ARHGAP32: variants seen among roughly 807,000 people sequenced by gnomAD.
ARHGAP32 encodes rho GTPase-activating protein 32.
A neutral mutation model predicts 186.5 loss-of-function variants in ARHGAP32; 51 were observed. The ratio of observed to expected loss-of-function variants is 0.27; its 90% confidence interval spans 0.22 to 0.35. The LOEUF (loss-of-function observed/expected upper bound fraction) is 0.35, where lower values mean the gene tolerates loss of function less well. Ranked by LOEUF, ARHGAP32 falls within the 10% of genes least tolerant of loss-of-function variation. The pLI is 1.00. For missense variants in ARHGAP32, 2,186 were observed against 2,623.5 expected, an observed-to-expected ratio of 0.83 and a Z score of 3.64; for synonymous variants, 950 against 964.3, an observed-to-expected ratio of 0.99 and a Z score of 0.27.
At chr11:129,044,887 CAA>C (rs767398459) in intron 10 of ARHGAP32, among the ~76,000 whole-genome samples, 34 of 125,066 alleles carry the variant, frequency 2.7e-4, no homozygotes, top group South Asian at 5.2e-4. Context: ...TATCTTTTGG[CAA>C]AAAAAAAAAA....
intron 1 of ARHGAP32, among the ~76,000 whole-genome samples, chr11:129,168,242 T>C (rs190133500): frequency 1.4e-4 from 22 of 152,176 alleles, no homozygotes; most frequent in African/African-American, 5.3e-4. Context: ...AAGCAACTTG[T>C]CTCAAAATAA....
At chr11:129,240,243 C>G (rs1415384354) in intron 1 of ARHGAP32, among the ~76,000 whole-genome samples, 2 of 151,938 alleles carry the variant, frequency 1.3e-5, no homozygotes, top group Admixed American at 1.3e-4. Flanking sequence ...AGCAAGATAG[C>G]TATTACTGCA....
At chr11:128,982,934 A>G (rs1032705755) in intron 15 of ARHGAP32, among the ~76,000 whole-genome samples, 5 of 150,562 alleles carry the variant, frequency 3.3e-5, no homozygotes. Flanking sequence ...TGAATGGGAG[A>G]CAGAAATATA....
At chr11:129,229,512 GT>G (rs1047233339) in intron 1 of ARHGAP32, among the ~76,000 whole-genome samples, 6 of 151,976 alleles carry the variant, frequency 3.9e-5, no homozygotes, top group African/African-American at 1.5e-4. Context: ...AATTCATATC[GT>G]TTTTACACTA....
intron 2 of ARHGAP32, among the ~76,000 whole-genome samples, chr11:129,159,534 T>G (rs1423178777): frequency 6.6e-6 from 1 of 151,894 alleles, no homozygotes; most frequent in Non-Finnish European, 1.5e-5. Context: ...GTCGAATCCC[T>G]GAACAGACCA....
intron 1 of ARHGAP32, among the ~76,000 whole-genome samples, chr11:129,243,594 T>C (rs932686076): frequency 2.0e-5 from 3 of 152,208 alleles, no homozygotes; most frequent in African/African-American, 7.2e-5. Context: ...AACCTTCATT[T>C]ACCAATGTCA....
intron 1 of ARHGAP32, among the ~76,000 whole-genome samples, chr11:129,209,455 A>T (rs1228555239): frequency 6.6e-6 from 1 of 151,754 alleles, no homozygotes; most frequent in Non-Finnish European, 1.5e-5. Context: ...AAAAGTAAAT[A>T]TAAAAAAAAG....
At chr11:129,260,334 T>C (rs770555405) in intron 1 of ARHGAP32, among the ~76,000 whole-genome samples, 14 of 152,192 alleles carry the variant, frequency 9.2e-5, no homozygotes, top group African/African-American at 1.2e-4. Context: ...TCTGATAACA[T>C]TGTTTTGAAA....
chr11:129,130,125 C>T (rs1412262582), intron 2 of ARHGAP32, among the ~76,000 whole-genome samples: 2 of 152,066 alleles, frequency 1.3e-5, no homozygotes, highest in African/African-American at 4.8e-5. Flanking sequence ...AGACAAAGTG[C>T]CACTGGAGTT....
chr11:129,092,223 C>A (rs1260895113), intron 6 of ARHGAP32, among the ~76,000 whole-genome samples: 2 of 151,748 alleles, frequency 1.3e-5, no homozygotes, highest in Non-Finnish European at 2.9e-5. Context: ...TTTTAAAAAA[C>A]AGCACAGATT....
At chr11:129,037,310 AAC>A (rs1939384932) in intron 11 of ARHGAP32, among the ~76,000 whole-genome samples, 1 of 150,488 alleles carries the variant, frequency 6.6e-6, no homozygotes, top group Non-Finnish European at 1.5e-5. Flanking sequence ...CAGCCTATGC[AAC>A]ACAGTGAGAC....
intron 2 of ARHGAP32, among the ~76,000 whole-genome samples, chr11:129,135,947 C>T (rs368984702): frequency 1.5e-4 from 23 of 152,016 alleles, no homozygotes; most frequent in African/African-American, 2.4e-4. Flanking sequence ...ACAATTATTC[C>T]GACACCCTAC....
intron 22 of ARHGAP32, 80 bp downstream of exon 22, chr11:128,972,373 G>A (rs927759367): frequency 4.2e-6 from 6 of 1,434,686 alleles, no homozygotes; most frequent in Admixed American, 2.4e-5. Flanking sequence ...CTGACTCAAA[G>A]ATAACAACAC....
At chr11:129,124,666 G>A in intron 3 of ARHGAP32, 137 bp downstream of exon 3, 1 of 587,452 alleles carries the variant, frequency 1.7e-6, no homozygotes, top group Non-Finnish European at 2.9e-6. Flanking sequence ...TGACTGCTGA[G>A]TCATAATTTA....
At chr11:129,190,754 C>G (rs1021008981) in intron 1 of ARHGAP32, among the ~76,000 whole-genome samples, 1 of 152,094 alleles carries the variant, frequency 6.6e-6, no homozygotes, top group African/African-American at 2.4e-5. Flanking sequence ...AGTTTTATTA[C>G]AAGCAAAACA....
intron 5 of ARHGAP32, among the ~76,000 whole-genome samples, chr11:129,104,718 A>G (rs1035667033): frequency 2.0e-4 from 30 of 152,216 alleles, no homozygotes; most frequent in African/African-American, 6.3e-4. Flanking sequence ...AAATGGTGTC[A>G]ATAAAATGGT....
At chr11:129,024,395 T>A (rs1263244799) in intron 11 of ARHGAP32, among the ~76,000 whole-genome samples, 1 of 152,186 alleles carries the variant, frequency 6.6e-6, no homozygotes, top group African/African-American at 2.4e-5. Context: ...AGACAGTGTA[T>A]CCAATAAAAA....
At position 128,986,217 on chromosome 11, in the gene ARHGAP32, T is replaced by C. The variant is rs984068650; in HGVS notation, c.1444-132A>G. ...TGTGAAATGGCGAGGAAACACAACA[T>C]TGTATTCAGGAAGTAAACTGTTTCC... On this transcript the variant is annotated intron_variant, in intron 14 of 22. Transcript: ENST00000682385. The C allele has an allele frequency of 1.4e-5, 10 of 739,272 alleles. No individual in the cohort carries two copies. In the African/African-American group the frequency reaches 1.4e-4, roughly 11 times the overall value. 45.8% of individuals were successfully genotyped at this position (739,272 alleles called of 1,614,324 possible).
chr11:129,084,331 A>G (rs1242760801), intron 6 of ARHGAP32, among the ~76,000 whole-genome samples: 2 of 151,468 alleles, frequency 1.3e-5, no homozygotes, highest in Non-Finnish European at 2.9e-5. Flanking sequence ...CCAGACAAAG[A>G]CATTCTAAGA....
Sources: allele counts gnomAD v4.1 joint callset (sites outside exome capture counted in the v4.1 genomes callset), GRCh38; gene constraint gnomAD v4.1.1; transcripts MANE v1.5; gene names NCBI Gene and HGNC (gene_info 2026-07-23, HGNC 2026-07-21).